SEMA6C: variants seen among roughly 807,000 people sequenced by gnomAD.
The protein encoded by SEMA6C is semaphorin 6C.
Under a neutral mutation model 72.9 loss-of-function variants are expected in SEMA6C, and 37 were observed. That is an observed-to-expected ratio of 0.51 (90% CI 0.39 to 0.67). The LOEUF (loss-of-function observed/expected upper bound fraction) is 0.67, where lower values mean the gene tolerates loss of function less well. SEMA6C is among the 30% of genes least tolerant of loss of function. The probability of loss-of-function intolerance (pLI) is 0.00; values close to 1 mark genes in which losing one functional copy is unlikely to be tolerated. For missense variants in SEMA6C, 1,189 were observed against 1,263.6 expected, an observed-to-expected ratio of 0.94 and a Z score of 0.89; for synonymous variants, 578 against 554.1, an observed-to-expected ratio of 1.04 and a Z score of -0.61.
At chr1:151,136,330 A>G in intron 12 of SEMA6C, 118 bp downstream of exon 12, 1 of 1,493,554 alleles carries the variant, frequency 6.7e-7, no homozygotes. Context: ...CCCCACTGCC[A>G]CCCCACTATA....
intron 9 of SEMA6C, 75 bp downstream of exon 9, chr1:151,137,910 TG>T: frequency 6.3e-7 from 1 of 1,588,312 alleles, no homozygotes; most frequent in Non-Finnish European, 8.6e-7. Context: ...CCACACCATT[TG>T]CCTGCTCCCC....
rs1477453687 is a variant in SEMA6C at position 151,137,814 on chromosome 1, G to T, written c.668-15C>A. 6.2e-7 allele frequency: 1 copy of T among 1,611,492 alleles called. No homozygotes were observed. Among genetic ancestry groups the T allele is most frequent in the South Asian group, 1.1e-5 (1 of 90,866 alleles). ...AAAGTGTGGCTCTAAGATGGGGAATGACAGGAAAGGGTATAGAAGAGTATC... is the reference window on the plus strand; with the variant it reads ...AAAGTGTGGCTCTAAGATGGGGAATTACAGGAAAGGGTATAGAAGAGTATC... On this transcript the variant is annotated splice_polypyrimidine_tract_variant and intron_variant, in intron 9 of 18. Transcript: ENST00000368914.
At chr1:151,136,624 G>T in intron 11 of SEMA6C, 45 bp from the exon 12 acceptor site, 1 of 1,609,332 alleles carries the variant, frequency 6.2e-7, no homozygotes, top group Middle Eastern at 1.7e-4. Flanking sequence ...GAAAGGAACT[G>T]CACAACTTCC....
intron 18 of SEMA6C, chr1:151,134,195 C>T (rs770881964): frequency 3.5e-5 from 26 of 753,194 alleles, no homozygotes; most frequent in Admixed American, 5.3e-5. Context: ...TGGGGAAGGG[C>T]TCATCATGCA....
rs1291567035 is a variant in SEMA6C at position 151,138,038 on chromosome 1, A to G, written c.615T>C (p.Leu205=). ...QASDAVVYRS[L]GPQPPLRSAK... is the part of the protein sequence containing the mutation. Reference sequence around the variant, plus strand: ...CGGAGCGGAGTGGGGGCTGGGGCCCAAGGCTTCTGTAAACTACAGCATCAC... The same window carrying G: ...CGGAGCGGAGTGGGGGCTGGGGCCCGAGGCTTCTGTAAACTACAGCATCAC... Residue 205 remains leucine, a synonymous_variant, in exon 9 of 19, where the codon CTT becomes CTC. Transcript: ENST00000368914. 11 of 1,614,192 alleles carry G rather than the reference A, an allele frequency of 6.8e-6. No individual in the cohort carries two copies. Among genetic ancestry groups the G allele is most frequent in the Non-Finnish European group, 9.3e-6 (11 of 1,180,026 alleles).
chr1:151,139,889 C>T (rs1163601118), intron 4 of SEMA6C, 87 bp downstream of exon 4: 6 of 1,345,018 alleles, frequency 4.5e-6, no homozygotes, highest in Non-Finnish European at 6.3e-6. Flanking sequence ...CATGTGTCCC[C>T]TGCAAGATGC....
At chr1:151,142,919 C>T (rs587602902) in intron 2 of SEMA6C, among the ~76,000 whole-genome samples, 7 of 152,328 alleles carry the variant, frequency 4.6e-5, no homozygotes, top group African/African-American at 1.7e-4. Context: ...GGACAGGACA[C>T]ACCCACCCCC....
chr1:151,142,327 A>G (rs1181838865), intron 3 of SEMA6C, among the ~76,000 whole-genome samples, 177 bp downstream of exon 3: 1 of 152,154 alleles, frequency 6.6e-6, no homozygotes, highest in Non-Finnish European at 1.5e-5. Flanking sequence ...AACCAGGCCC[A>G]GGGATGAGAA....
In SEMA6C at chr1:151,138,023, TG is replaced by T. The variant is rs1682208173; in HGVS notation, c.629del (p.Pro210HisfsTer49). ...TGGAGTCATACTTGGCGGAGCGGAG[TG>T]GGGGCTGGGGCCCAAGGCTTCTGTA... ...VVYRSLGPQP[P>X]LRSAKYDSKW... is the part of the protein sequence containing the mutation. On this transcript the variant is annotated frameshift_variant, in exon 9 of 19. Coordinates refer to ENST00000368914, the MANE Select transcript of SEMA6C (RefSeq NM_030913.6). LOFTEE classifies it high-confidence loss of function. The T allele has an allele frequency of 1.9e-6, 3 of 1,613,970 alleles. No homozygotes were observed. The highest frequency in any genetic ancestry group is 2.5e-6 in the Non-Finnish European group (3 of 1,179,984).
chr1:151,134,212 T>C, intron 18 of SEMA6C, 189 bp downstream of exon 18: 1 of 750,854 alleles, frequency 1.3e-6, no homozygotes, highest in Non-Finnish European at 2.2e-6. Flanking sequence ...TGCAGGACAT[T>C]GATTTATTTG....
rs753467992 is a variant in SEMA6C at position 151,132,031 on chromosome 1, C to G, written c.*453G>C. ...GAGCCGACCGACTGCCGCCCTCCCC[C>G]GCCCGAGTGAAGTCAGGCAGTGGCT... On this transcript the variant is annotated 3_prime_UTR_variant, in exon 19 of 19. Coordinates refer to ENST00000368914, the MANE Select transcript of SEMA6C (RefSeq NM_030913.6). 2 of 386,926 alleles carry G rather than the reference C, an allele frequency of 5.2e-6. No homozygotes were observed. Among genetic ancestry groups the G allele is most frequent in the Non-Finnish European group, 8.9e-6 (2 of 223,930 alleles). 24.0% of individuals were successfully genotyped at this position (386,926 alleles called of 1,614,324 possible).
chr1:151,135,555 C>G, intron 14 of SEMA6C, 36 bp downstream of exon 14: 3 of 1,587,808 alleles, frequency 1.9e-6, no homozygotes, highest in Non-Finnish European at 2.6e-6. Flanking sequence ...CATCCCCTCC[C>G]TGCTTTGCAG....
rs767101050 is a variant in SEMA6C, at chr1:151,136,097, A to G, written c.1173T>C (p.Asp391=). The change falls in exon 13 of 19, where the codon GAT becomes GAC. Residue 391 remains aspartate, a synonymous_variant. Transcript: ENST00000368914. ...LFSSSRDLPD[D]VLTFIKAHPL... ...GGTGAGCCTTGATGAAGGTCAGGAC[A>G]TCATCAGGGAGGTCTCGGGAAGAGG... 3.1e-6 allele frequency: 5 copies of G among 1,613,964 alleles called. No individual in the cohort carries two copies. The highest frequency in any genetic ancestry group is 2.7e-5 in the African/African-American group (2 of 74,886).
chr1:151,139,635 C>T lies in SEMA6C; in HGVS notation c.297+3G>A, dbSNP rs1682362680. 6.2e-7 allele frequency: 1 copy of T among 1,607,546 alleles called. No homozygotes were observed. The highest frequency in any genetic ancestry group is 2.2e-5 in the East Asian group (1 of 44,722). ...CTGCACCTCTTCCCACACAGCCCCT[C>T]ACCTTGTTGGGCACCAGCCCCTCCC... On this transcript the variant is annotated splice_donor_region_variant and intron_variant, in intron 5 of 18. Transcript: ENST00000368914.
At chr1:151,140,138 C>T (rs1428093998) in intron 3 of SEMA6C, 48 bp from the exon 4 acceptor site, 9 of 1,494,452 alleles carry the variant, frequency 6.0e-6, no homozygotes, top group Non-Finnish European at 8.3e-6. Context: ...CAAACTTCCC[C>T]AACACCCTCT....
At position 151,145,209 on chromosome 1, in the gene SEMA6C, G is replaced by A. The variant is rs1162198708; in HGVS notation, c.-104-775C>T. 1 of 152,342 alleles carries A rather than the reference G, an allele frequency of 6.6e-6. No individual in the cohort carries two copies. The highest frequency in any genetic ancestry group is 2.4e-5 in the African/African-American group (1 of 41,450). The allele number at this position is 152,342 out of a possible 1,614,324, so 9.4% of individuals were successfully genotyped here. A position where few individuals can be genotyped will look rare whatever the true frequency, so the allele number is the denominator to read the frequency against. On this transcript the variant is annotated intron_variant, in intron 1 of 18. Coordinates refer to ENST00000368914, the MANE Select transcript of SEMA6C (RefSeq NM_030913.6). This position sits in a 1 kb window ranked among gnomAD's most constrained non-coding sequence, Gnocchi z 4.4. ...CAGATCCTCCCGTTGCTGGGAAGAG[G>A]AAACAGCCCTTCTCTCTCCTGGCCC...
chr1:151,132,180 G>T lies in SEMA6C; in HGVS notation c.*304C>A, dbSNP rs1162151066. Reference sequence around the variant, plus strand: ...CCCGCCCGGGGCACAGTCTCTGGGGGAGCCCCGAGGGGCGAGTTAAGGCAG... The same window carrying T: ...CCCGCCCGGGGCACAGTCTCTGGGGTAGCCCCGAGGGGCGAGTTAAGGCAG... On this transcript the variant is annotated 3_prime_UTR_variant, in exon 19 of 19. Transcript: ENST00000368914. The T allele has an allele frequency of 1.4e-6, 2 of 1,435,474 alleles. No individual in the cohort carries two copies. The highest frequency in any genetic ancestry group is 1.4e-5 in the African/African-American group (1 of 70,852). 88.9% of individuals were successfully genotyped at this position (1,435,474 alleles called of 1,614,324 possible).
At chr1:151,135,344 G>A in intron 14 of SEMA6C, 35 bp from the exon 15 acceptor site, 1 of 1,594,516 alleles carries the variant, frequency 6.3e-7, no homozygotes, top group Non-Finnish European at 8.5e-7. Context: ...GAGATGGACA[G>A]ATGAGGCTAC....
Position 151,142,485 on chromosome 1 carries a change from G to A in SEMA6C, c.118+19C>T, listed in dbSNP as rs74127531. 3.9e-3 allele frequency: 6,327 copies of A among 1,613,188 alleles called. 210 individuals carry two copies. In the African/African-American group the frequency reaches 0.074, roughly 19 times the overall value. ...TAATTGTTCACAGAGATGGGGCAAG[G>A]TAGGTACTGGGCACTCACCTTGAAG... On this transcript the variant is annotated intron_variant, in intron 3 of 18. Transcript: ENST00000368914.
Sources: gnomAD v4.1 joint callset for allele counts (sites outside exome capture counted in the v4.1 genomes callset) on GRCh38, gnomAD v4.1.1 for gene constraint, Gnocchi (gnomAD v3.1) non-coding constraint, MANE v1.5 for transcripts, NCBI Gene and HGNC (gene_info 2026-07-23, HGNC 2026-07-21) for gene names.